Variants in BPNT1 observed in about 807,000 individuals in gnomAD.
The protein encoded by BPNT1 is 3'(2'), 5'-bisphosphate nucleotidase 1.
BPNT1 carries 28 observed loss-of-function variants against 36.9 expected under a neutral mutation model. The ratio of observed to expected loss-of-function variants is 0.76; its 90% CI spans 0.56 to 1.04. BPNT1 has a LOEUF of 1.04. Ranked by LOEUF, BPNT1 falls within the 50% of genes least tolerant of loss-of-function variation. BPNT1 has a pLI of 0.00. For missense variants in BPNT1, 313 were observed against 372.9 expected, an observed-to-expected ratio of 0.84 and a Z score of 1.32; for synonymous variants, 119 against 130.9, an observed-to-expected ratio of 0.91 and a Z score of 0.62.
chr1:220,059,846 T>G (rs1571720302), intron 7 of BPNT1, 55 bp from the exon 8 acceptor site: 1 of 1,357,680 alleles, frequency 7.4e-7, no homozygotes, highest in East Asian at 2.4e-5. Context: ...TAATTGAAAG[T>G]CATGAAAAGA....
chr1:220,071,327 C>G (rs2102686160), intron 4 of BPNT1, among the ~76,000 whole-genome samples: 1 of 152,250 alleles, frequency 6.6e-6, no homozygotes, highest in East Asian at 1.9e-4. Context: ...AAAAAGCAAG[C>G]AGGATGACAT....
At chr1:220,087,972 G>A (rs766784481) in intron 1 of BPNT1, among the ~76,000 whole-genome samples, 12 of 151,932 alleles carry the variant, frequency 7.9e-5, no homozygotes, top group African/African-American at 1.2e-4. Flanking sequence ...CTGCCTCCCG[G>A]GTTTAAGCGA....
chr1:220,084,701 C>T (rs1345792075), intron 1 of BPNT1, among the ~76,000 whole-genome samples: 1 of 152,154 alleles, frequency 6.6e-6, no homozygotes, highest in African/African-American at 2.4e-5. Flanking sequence ...TTGTATTTGC[C>T]AAGTCCATGG....
intron 1 of BPNT1, among the ~76,000 whole-genome samples, chr1:220,082,081 T>G (rs1238862984): frequency 0.019 from 2,105 of 109,510 alleles, 19 homozygotes; most frequent in African/African-American, 0.04. Flanking sequence ...TATATATATA[T>G]ATATAGAGAG....
At chr1:220,088,810 G>GA (rs1656012076) in intron 1 of BPNT1, among the ~76,000 whole-genome samples, 1 of 141,742 alleles carries the variant, frequency 7.1e-6, no homozygotes, top group Non-Finnish European at 1.6e-5. Context: ...AAAAAAGAAA[G>GA]AAAGAAAGGC....
rs377748180 is a variant in BPNT1 at position 220,082,180 on chromosome 1, T to A, written c.-8-2326A>T. Among the ~76,000 whole-genome samples the A allele has an allele frequency of 4.1e-3, 593 of 144,318 alleles. 2 individuals carry two copies. The highest frequency in any genetic ancestry group is 5.2e-3 in the South Asian group (24 of 4,642). 94.7% of individuals were successfully genotyped at this position (144,318 alleles called of 152,430 possible). Reference sequence around the variant, plus strand: ...GTATTTTATATATATTTTATATTTTTTATATATATATATATTTTGAGACAG... The same window carrying A: ...GTATTTTATATATATTTTATATTTTATATATATATATATATTTTGAGACAG... On this transcript the variant is annotated intron_variant, in intron 1 of 8. Coordinates refer to ENST00000322067, the MANE Select transcript of BPNT1 (RefSeq NM_006085.6).
In BPNT1 at chr1:220,085,826, G is replaced by A. The variant is rs1020595118; in HGVS notation, c.-9+3860C>T. ...GGCCATCAACCTAATACCTATCCTT[G>A]AGAAGTCTTTACAACTGCCAAAGGG... On this transcript the variant is annotated intron_variant, in intron 1 of 8. Coordinates refer to ENST00000322067, the MANE Select transcript of BPNT1 (RefSeq NM_006085.6). 9.9e-5 allele frequency among the ~76,000 whole-genome samples: 15 copies of A among 152,190 alleles called. No homozygotes were observed. The East Asian group carries it at 2.7e-3, about 27-fold the overall frequency.
In BPNT1 at chr1:220,074,056, G is replaced by C; in HGVS notation, c.136C>G (p.Leu46Val). The change falls in exon 3 of 9, where the codon CTG becomes GTG. Residue 46 changes from leucine to valine, a missense_variant. Leu to Val is a conservative substitution (Grantham distance 32). Transcript: ENST00000322067. ...GIVEKTCATD[L>V]QTKADRLAQM... is the part of the protein sequence containing the mutation. ...GCCAATCGGTCAGCTTTGGTCTGCA[G>C]GTCTGTTGCACAGGTCTGTAATAAA... 2 of 1,613,750 alleles carry C rather than the reference G, an allele frequency of 1.2e-6. No homozygotes were observed. Among genetic ancestry groups the C allele is most frequent in the Non-Finnish European group, 1.7e-6 (2 of 1,179,922 alleles).
In BPNT1 at chr1:220,062,868, A is replaced by C. The variant is rs376277086; in HGVS notation, c.561T>G (p.Ala187=). 2.6e-5 allele frequency: 42 copies of C among 1,614,020 alleles called. No homozygotes were observed. The highest frequency in any genetic ancestry group is 3.5e-5 in the Non-Finnish European group (41 of 1,180,032). ...AFGFQLKEVP[A]GKHIITTTRS... The stretch of plus-strand genomic sequence containing the variant: ...GAGTAGTTGTGATAATGTGTTTCCC[A>C]GCAGGGACTTCTTTCAGCTGAAACC... Residue 187 remains alanine, a synonymous_variant, in exon 7 of 9, where the codon GCT becomes GCG. Transcript: ENST00000322067.
chr1:220,086,916 G>A (rs779992701), intron 1 of BPNT1, among the ~76,000 whole-genome samples: 1 of 150,808 alleles, frequency 6.6e-6, no homozygotes, highest in Non-Finnish European at 1.5e-5. Flanking sequence ...GCATATTGGC[G>A]GGCGCCTGTA....
chr1:220,064,909 G>A (rs1259407162), intron 6 of BPNT1, among the ~76,000 whole-genome samples: 1 of 152,160 alleles, frequency 6.6e-6, no homozygotes, highest in Non-Finnish European at 1.5e-5. Context: ...CTGGGTTCAA[G>A]CAATTCTCTT....
intron 1 of BPNT1, among the ~76,000 whole-genome samples, chr1:220,087,486 T>G (rs1403892675): frequency 6.6e-6 from 1 of 151,654 alleles, no homozygotes; most frequent in Non-Finnish European, 1.5e-5. Context: ...ACCTGGGAGG[T>G]AGAAGTTGCA....
chr1:220,076,773 T>C (rs1326360771), intron 2 of BPNT1, among the ~76,000 whole-genome samples: 2 of 151,502 alleles, frequency 1.3e-5, no homozygotes, highest in Non-Finnish European at 2.9e-5. Flanking sequence ...TTTCGTTGGT[T>C]ATTACCAAGC....
chr1:220,062,289 C>T (rs796166446), intron 7 of BPNT1, among the ~76,000 whole-genome samples: 4 of 116,800 alleles, frequency 3.4e-5, no homozygotes, highest in African/African-American at 1.3e-4. Context: ...GCTATCCCTC[C>T]CCCCTCCCCC....
Position 220,072,743 on chromosome 1 carries a change from C to T in BPNT1, c.333+107G>A, listed in dbSNP as rs566917689. ...TGAAAGATATCAAGTTTCTGGTTGC[C>T]CCTATTTTATAACTACCAATTTTTC... On this transcript the variant is annotated intron_variant, in intron 4 of 8. Transcript: ENST00000322067. 3.0e-5 allele frequency: 25 copies of T among 841,752 alleles called. No homozygotes were observed. The South Asian group carries it at 3.8e-4, about 13-fold the overall frequency. 52.1% of individuals were successfully genotyped at this position (841,752 alleles called of 1,614,324 possible).
At chr1:220,060,467 C>T (rs1473106844) in intron 7 of BPNT1, among the ~76,000 whole-genome samples, 4 of 152,054 alleles carry the variant, frequency 2.6e-5, no homozygotes. Context: ...CAGAGCGAGA[C>T]TCTGTCTCAA....
At chr1:220,081,364 G>A (rs1002932011) in intron 1 of BPNT1, among the ~76,000 whole-genome samples, 4 of 152,078 alleles carry the variant, frequency 2.6e-5, no homozygotes, top group Admixed American at 2.0e-4. Context: ...CCAACATGGT[G>A]AAACCTCGTC....
rs1662760218 is a variant in BPNT1 at position 220,058,971 on chromosome 1, C to T, written c.800G>A (p.Gly267Glu). 4 of 1,613,334 alleles carry T rather than the reference C, an allele frequency of 2.5e-6. No homozygotes were observed. In the African/African-American group the frequency reaches 4.0e-5, roughly 16 times the overall value. Reference protein sequence around the residue: ...AVGGKLTDIHGNVLQYHKDVK... With the variant: ...AVGGKLTDIHENVLQYHKDVK... ...ATCCTTGTGGTACTGAAGAACATTC[C>T]CATGGATATCGGTTAACTTGCCTAT... The change falls in exon 9 of 9, where the codon GGG becomes GAG. Residue 267 changes from glycine to glutamate, a missense_variant. By Grantham distance (98) the Gly-to-Glu change is moderately conservative (BLOSUM62 -2). Coordinates refer to ENST00000322067, the MANE Select transcript of BPNT1 (RefSeq NM_006085.6).
intron 3 of BPNT1, 51 bp downstream of exon 3, chr1:220,073,916 A>C: frequency 6.8e-7 from 1 of 1,472,270 alleles, no homozygotes; most frequent in Non-Finnish European, 9.5e-7. Context: ...GTCAGTTATA[A>C]ATCCATTTGG....
Sources: allele counts gnomAD v4.1 joint callset (sites outside exome capture counted in the v4.1 genomes callset), GRCh38; gene constraint gnomAD v4.1.1; transcripts MANE v1.5; gene names NCBI Gene and HGNC (gene_info 2026-07-23, HGNC 2026-07-21).